Variants in PLA2G4F observed in about 807,000 individuals in gnomAD.
PLA2G4F encodes the protein phospholipase A2 group IVF.
PLA2G4F carries 105 observed loss-of-function variants against 103.1 expected under a neutral mutation model. The ratio of observed to expected loss-of-function variants is 1.02; its 90% confidence interval spans 0.87 to 1.20. The LOEUF (loss-of-function observed/expected upper bound fraction) is 1.20, where lower values mean the gene tolerates loss of function less well. Ranked by LOEUF, PLA2G4F falls within the 50% of genes most tolerant of loss-of-function variation. PLA2G4F has a pLI of 0.00. For synonymous variants in PLA2G4F, 468 were observed against 441.1 expected, an observed-to-expected ratio of 1.06 and a Z score of -0.76; for missense variants, 1,155 against 1,075.9, an observed-to-expected ratio of 1.07 and a Z score of -1.03.
rs2048832882 is a variant in PLA2G4F at position 42,142,216 on chromosome 15, G to C, written c.2330-12C>G. 1 of 1,601,906 alleles carries C rather than the reference G, an allele frequency of 6.2e-7. No individual in the cohort carries two copies. The highest frequency in any genetic ancestry group is 2.2e-5 in the East Asian group (1 of 44,804). On this transcript the variant is annotated splice_polypyrimidine_tract_variant and intron_variant, in intron 19 of 19. Coordinates refer to ENST00000397272, the MANE Select transcript of PLA2G4F (RefSeq NM_213600.4). Reference sequence around the variant, plus strand: ...TTGTCGCTCCACACCTGTGGGTGGGGGAAGCAGAGGAGAGGCCAGGATGGA... The same window carrying C: ...TTGTCGCTCCACACCTGTGGGTGGGCGAAGCAGAGGAGAGGCCAGGATGGA...
At chr15:42,144,688 C>A in intron 16 of PLA2G4F, 44 bp from the exon 17 acceptor site, 1 of 1,506,382 alleles carries the variant, frequency 6.6e-7, no homozygotes, top group Non-Finnish European at 8.9e-7. Context: ...AAGTGGCATC[C>A]TCCTTTGCCC....
intron 16 of PLA2G4F, 32 bp from the exon 17 acceptor site, chr15:42,144,676 G>C (rs1566878050): frequency 2.6e-6 from 4 of 1,528,080 alleles, no homozygotes; most frequent in Non-Finnish European, 3.5e-6. Context: ...AAATAGAGGG[G>C]AAAGTGGCAT....
chr15:42,147,521 G>A, intron 12 of PLA2G4F, 105 bp downstream of exon 12: 1 of 1,441,582 alleles, frequency 6.9e-7, no homozygotes, highest in Non-Finnish European at 9.5e-7. Context: ...TAACACCCTG[G>A]GAGGCAGGAT....
In PLA2G4F at chr15:42,153,657, A is replaced by T. The variant is rs1425767467; in HGVS notation, c.454T>A (p.Ser152Thr). 6.2e-7 allele frequency: 1 copy of T among 1,614,158 alleles called. No homozygotes were observed. Among genetic ancestry groups the T allele is most frequent in the Admixed American group, 1.7e-5 (1 of 60,020 alleles). ...KHTFPLNHQD[S>T]QELQVEFVLE... The stretch of plus-strand genomic sequence containing the variant: ...ACAAATTCCACCTGCAGCTCTTGTG[A>T]ATCCTACATGGAGGGGGAGGGAGCA... The change falls in exon 5 of 20, where the codon TCA (serine) becomes ACA (threonine). Residue 152 changes from serine to threonine, a missense_variant. Coordinates refer to ENST00000397272, the MANE Select transcript of PLA2G4F (RefSeq NM_213600.4).
rs149624289 is a variant in PLA2G4F at position 42,144,611 on chromosome 15, G to T, written c.1814C>A (p.Ser605Ter). The change falls in exon 17 of 20, where the codon TCG (serine) becomes TAG (stop). Residue 605 changes from serine (S) to a stop codon, truncating the protein, a stop_gained. Coordinates refer to ENST00000397272, the MANE Select transcript of PLA2G4F (RefSeq NM_213600.4). LOFTEE classifies it high-confidence loss of function. The part of the protein sequence containing the change: ...DCQKPQLHNP[S>*]RLRTRLLTPQ... Reference sequence around the variant, plus strand: ...GGTGAGGAGCCTCGTTCGCAGCCTCGAGGGGTTGTGCAGCTGAGGCTTCTG... The same window carrying T: ...GGTGAGGAGCCTCGTTCGCAGCCTCTAGGGGTTGTGCAGCTGAGGCTTCTG... The T allele has an allele frequency of 2.5e-6, 4 of 1,608,056 alleles. No individual in the cohort carries two copies. The highest frequency in any genetic ancestry group is 2.5e-6 in the Non-Finnish European group (3 of 1,176,714).
At chr15:42,155,739 A>C in intron 1 of PLA2G4F, 150 bp from the exon 2 acceptor site, 1 of 710,482 alleles carries the variant, frequency 1.4e-6, no homozygotes, top group Admixed American at 2.3e-5. Context: ...GGCGGGTCCC[A>C]GGCATTGGGA....
intron 7 of PLA2G4F, 34 bp from the exon 8 acceptor site, chr15:42,150,811 G>A (rs1389218602): frequency 5.7e-6 from 9 of 1,589,456 alleles, no homozygotes; most frequent in Admixed American, 5.4e-5. Flanking sequence ...GTGCGCAGGT[G>A]AGGGGGTGGG....
At chr15:42,146,673 C>A in intron 13 of PLA2G4F, 1 of 218,544 alleles carries the variant, frequency 4.6e-6, no homozygotes, top group Non-Finnish European at 9.2e-6. Context: ...AGCTCCGAAT[C>A]TTATCGCCTG....
At position 42,144,128 on chromosome 15, in the gene PLA2G4F, G is replaced by A; in HGVS notation, c.1992C>T (p.Ala664=). The change falls in exon 18 of 20, where the codon GCC becomes GCT. Residue 664 remains alanine, a synonymous_variant. Transcript: ENST00000397272. ...FVAWKDTHPD[A]FPNQLTPMRD... is the part of the protein sequence containing the mutation. ...GCATGGGGGTGAGCTGGTTGGGGAA[G>A]GCGTCCGGGTGTGTGTCTGCAAGGA... 6.2e-7 allele frequency: 1 copy of A among 1,611,552 alleles called. No homozygotes were observed. Among genetic ancestry groups the A allele is most frequent in the Non-Finnish European group, 8.5e-7 (1 of 1,178,966 alleles).
chr15:42,149,586 G>T, intron 11 of PLA2G4F, 127 bp downstream of exon 11: 1 of 1,462,634 alleles, frequency 6.8e-7, no homozygotes. Flanking sequence ...CTCTGCCGAT[G>T]GTGCCCACAG....
At chr15:42,144,166 G>T (rs769202283) in intron 17 of PLA2G4F, 22 bp from the exon 18 acceptor site, 1 of 1,583,416 alleles carries the variant, frequency 6.3e-7, no homozygotes, top group Admixed American at 1.8e-5. Flanking sequence ...CCATGTGTAC[G>T]CACAGGGACG....
intron 18 of PLA2G4F, 112 bp from the exon 19 acceptor site, chr15:42,142,826 G>A: frequency 3.5e-6 from 4 of 1,129,638 alleles, no homozygotes; most frequent in South Asian, 1.4e-5. Flanking sequence ...GACTAGCTGA[G>A]TGACTTCAGG....
intron 5 of PLA2G4F, 132 bp from the exon 6 acceptor site, chr15:42,153,474 C>T: frequency 2.0e-6 from 3 of 1,470,786 alleles, no homozygotes; most frequent in Non-Finnish European, 2.8e-6. Flanking sequence ...GAGCCTGCCG[C>T]CCAACATGCA....
intron 2 of PLA2G4F, among the ~76,000 whole-genome samples, chr15:42,155,008 G>C (rs906305138): frequency 6.6e-6 from 1 of 151,422 alleles, no homozygotes; most frequent in Non-Finnish European, 1.5e-5. Context: ...ACACACACAC[G>C]TATATACACA....
chr15:42,156,497 A>G lies in PLA2G4F; in HGVS notation c.53T>C (p.Leu18Pro). Residue 18 changes from leucine (L) to proline (P), a missense_variant, in exon 1 of 20, where the codon CTG (leucine) becomes CCG (proline). Coordinates refer to ENST00000397272, the MANE Select transcript of PLA2G4F (RefSeq NM_213600.4). ...TCTCTTCTGAAGCAGCACTGCCCCC[A>G]GGAGGGGCAGCATCTTGTCTGCCAG... ...RWLADKMLPL[L>P]GAVLLQKREK... 2 of 1,562,744 alleles carry G rather than the reference A, an allele frequency of 1.3e-6. No individual in the cohort carries two copies. The highest frequency in any genetic ancestry group is 1.7e-6 in the Non-Finnish European group (2 of 1,152,524).
At chr15:42,155,643 G>T in intron 1 of PLA2G4F, 54 bp from the exon 2 acceptor site, 1 of 1,549,118 alleles carries the variant, frequency 6.5e-7, no homozygotes, top group African/African-American at 1.4e-5. Flanking sequence ...CTGGTCCCTC[G>T]CCCCATTGTT....
chr15:42,155,939 A>G (rs752929876), intron 1 of PLA2G4F, among the ~76,000 whole-genome samples: 2 of 152,104 alleles, frequency 1.3e-5, no homozygotes, highest in African/African-American at 2.4e-5. Context: ...TGTGCTTGAG[A>G]AGATTAAATA....
chr15:42,144,214 G>C (rs1323050688), intron 17 of PLA2G4F, 70 bp from the exon 18 acceptor site: 3 of 1,511,840 alleles, frequency 2.0e-6, no homozygotes, highest in Non-Finnish European at 2.7e-6. Flanking sequence ...TTCTGTATTT[G>C]CATTCACGTT....
Position 42,154,176 on chromosome 15 carries a change from G to C in PLA2G4F, c.366C>G (p.Ser122Arg). ...LTLYDKDILGSDQLSLLLFDL... is the reference protein window; with the variant it reads ...LTLYDKDILGRDQLSLLLFDL... ...CAAACAGGAGCAGAGAGAGCTGGTCGCTGCCCAGGATGTCCTTGTCATAGA... is the reference window on the plus strand; with the variant it reads ...CAAACAGGAGCAGAGAGAGCTGGTCCCTGCCCAGGATGTCCTTGTCATAGA... The change falls in exon 4 of 20, where the codon AGC (serine) becomes AGG (arginine). Residue 122 changes from serine (S) to arginine (R), a missense_variant. Around this residue, in one of 3 missense-constraint regions of PLA2G4F, gnomAD observed 370 missense variants for 364.9 expected, o/e 1.01. Coordinates refer to ENST00000397272, the MANE Select transcript of PLA2G4F (RefSeq NM_213600.4). 1 of 1,614,196 alleles carries C rather than the reference G, an allele frequency of 6.2e-7. No individual in the cohort carries two copies. Among genetic ancestry groups the C allele is most frequent in the African/African-American group, 1.3e-5 (1 of 75,056 alleles).
Sources: gnomAD v4.1 joint callset for allele counts (sites outside exome capture counted in the v4.1 genomes callset) on GRCh38, gnomAD v4.1.1 for gene constraint, gnomAD v4.1.1 regional missense constraint, MANE v1.5 for transcripts, NCBI Gene and HGNC (gene_info 2026-07-23, HGNC 2026-07-21) for gene names.